The following SASH1 variants were observed in gnomAD, a reference collection of about 807,000 sequenced individuals.
SASH1 encodes the protein SAM and SH3 domain containing 1.
A neutral mutation model predicts 125.2 loss-of-function variants in SASH1; 44 were observed. That is an observed-to-expected ratio of 0.35 (90% CI 0.28 to 0.45). The LOEUF (loss-of-function observed/expected upper bound fraction) is 0.45, where lower values mean the gene tolerates loss of function less well. Ranked by LOEUF, SASH1 falls within the 20% of genes least tolerant of loss-of-function variation. SASH1 has a pLI of 1.00. For missense variants in SASH1, 1,426 were observed against 1,614.5 expected (o/e 0.88, Z 2.00); for synonymous variants, 639 against 649.1 (o/e 0.98, Z 0.24).
the SASH1 span, among the ~76,000 whole-genome samples, chr6:148,243,279 C>T: frequency 4.0e-5 from 6 of 151,840 alleles, no homozygotes; most frequent in East Asian, 1.9e-4. Context: ...GGAGAAACCC[C>T]GTCTTTACTA....
intron 12 of SASH1, among the ~76,000 whole-genome samples, chr6:148,530,688 A>G (rs540674504): frequency 1.3e-5 from 2 of 152,290 alleles, no homozygotes; most frequent in Admixed American, 6.5e-5. Context: ...AGACTTTTCT[A>G]TTTTGGCAAG....
intron 1 of SASH1, among the ~76,000 whole-genome samples, chr6:148,325,470 C>T (rs1780772479): frequency 6.6e-6 from 1 of 152,044 alleles, no homozygotes; most frequent in Non-Finnish European, 1.5e-5. Context: ...AGCAGGATTT[C>T]ACCAAGCTGG....
In SASH1 at chr6:148,533,037, T is replaced by C; in HGVS notation, c.1734+71T>C. On this transcript the variant is annotated intron_variant, in intron 14 of 19. Coordinates refer to ENST00000367467, the MANE Select transcript of SASH1 (RefSeq NM_015278.5). The surrounding 1 kb of genome is among the most constrained non-coding windows in gnomAD (Gnocchi z 6.2). ...TTCTCTAGGAGGCTTTCTTTCCTCC[T>C]CACTGTTGAATGCTGGGCTACTATG... is the stretch of plus-strand genomic sequence containing the variant. 1 of 1,519,502 alleles carries C rather than the reference T, an allele frequency of 6.6e-7. No homozygotes were observed. Among genetic ancestry groups the C allele is most frequent in the East Asian group, 2.3e-5 (1 of 44,244 alleles). 94.1% of individuals were successfully genotyped at this position (1,519,502 alleles called of 1,614,324 possible).
At chr6:148,404,083 A>G (rs935591393) in intron 2 of SASH1, among the ~76,000 whole-genome samples, 1 of 152,180 alleles carries the variant, frequency 6.6e-6, no homozygotes, top group African/African-American at 2.4e-5. Flanking sequence ...ATGAATGACA[A>G]TAGCTGTGCA....
chr6:148,378,053 ATTTT>A (rs11412396), intron 1 of SASH1, among the ~76,000 whole-genome samples: 1 of 140,488 alleles, frequency 7.1e-6, no homozygotes. Flanking sequence ...GTCACCCACA[ATTTT>A]TTTTTTTTTT....
rs750599759 is a variant in SASH1 at position 148,527,462 on chromosome 6, G to A, written c.1294G>A (p.Gly432Arg). ...ACATTTTGTTTTACAGGGTAAAGAAGGAGACTTTGTGTACAAAGAAGTCAT... is the reference window on the plus strand; with the variant it reads ...ACATTTTGTTTTACAGGGTAAAGAAAGAGACTTTGTGTACAAAGAAGTCAT... ...SNNSDPMGKE[G>R]DFVYKEVIKS... The change falls in exon 12 of 20, where the codon GGA becomes AGA. Residue 432 changes from glycine to arginine, a missense_variant. Transcript: ENST00000367467. The A allele has an allele frequency of 6.3e-6, 10 of 1,596,558 alleles. No individual in the cohort carries two copies. The East Asian group carries it at 2.3e-4, about 36-fold the overall frequency.
At chr6:148,204,287 C>G in the SASH1 span, among the ~76,000 whole-genome samples, 1 of 152,186 alleles carries the variant, frequency 6.6e-6, no homozygotes, top group Non-Finnish European at 1.5e-5. Flanking sequence ...ATAGAAACCA[C>G]CACAATCGAC....
chr6:148,200,012 A>C, the SASH1 span, among the ~76,000 whole-genome samples: 1 of 152,196 alleles, frequency 6.6e-6, no homozygotes, highest in Middle Eastern at 3.2e-3. Context: ...AGTATTTCTC[A>C]TCTGCGACCC....
the SASH1 span, among the ~76,000 whole-genome samples, chr6:148,196,380 T>C: frequency 6.6e-6 from 1 of 152,168 alleles, no homozygotes; most frequent in East Asian, 1.9e-4. Context: ...GTGAAACAAT[T>C]CAACCTAGCA....
At chr6:148,266,330 G>A in the SASH1 span, among the ~76,000 whole-genome samples, 6 of 152,028 alleles carry the variant, frequency 3.9e-5, no homozygotes, top group South Asian at 2.1e-4. Flanking sequence ...TTGACTGAAC[G>A]GAAAATAAGA....
At chr6:148,531,405 A>G in intron 12 of SASH1, 121 bp from the exon 13 acceptor site, 2 of 822,328 alleles carry the variant, frequency 2.4e-6, no homozygotes, top group Non-Finnish European at 3.4e-6. Context: ...TATTGGTTAT[A>G]GAATCAAATA....
At chr6:148,332,727 A>G (rs1276004154) in intron 1 of SASH1, among the ~76,000 whole-genome samples, 2 of 152,078 alleles carry the variant, frequency 1.3e-5, no homozygotes, top group African/African-American at 4.8e-5. Flanking sequence ...TGGCTCATGC[A>G]TGTAATTCCA....
chr6:148,318,918 G>T (rs1780558764), intron 1 of SASH1, among the ~76,000 whole-genome samples: 1 of 150,394 alleles, frequency 6.6e-6, no homozygotes, highest in Non-Finnish European at 1.5e-5. Context: ...ATTTTATACG[G>T]TTTTAACAAT....
Position 148,450,353 on chromosome 6 carries a change from G to A in SASH1, c.386+9946G>A, listed in dbSNP as rs114178095. Among the ~76,000 whole-genome samples the A allele has an allele frequency of 3.3e-3, 508 of 152,148 alleles. 4 individuals are homozygous for A. Among genetic ancestry groups the A allele is most frequent in the African/African-American group, 0.012 (481 of 41,512 alleles). ...CCTTCTTTATTGCTCAGTCTCCCCA[G>A]CAATAACCTCATACCTCCATATAAC... On this transcript the variant is annotated intron_variant, in intron 4 of 19. Transcript: ENST00000367467.
At chr6:148,325,261 T>TGTTGTTGTTG (rs1554235038) in intron 1 of SASH1, among the ~76,000 whole-genome samples, 51 of 149,994 alleles carry the variant, frequency 3.4e-4, no homozygotes, top group African/African-American at 1.0e-3. Context: ...AAAAGCCTCT[T>TGTTGTTGTTG]TTGTTGTTGT....
chr6:148,396,453 G>A (rs1197477543), intron 2 of SASH1, among the ~76,000 whole-genome samples: 4 of 145,954 alleles, frequency 2.7e-5, no homozygotes, highest in East Asian at 4.0e-4. Flanking sequence ...CTCCAGCCTG[G>A]GTGCCAGAGT....
At position 148,387,622 on chromosome 6, in the gene SASH1, T is replaced by TCTCTCTC. The variant is rs1562371228; in HGVS notation, c.157-2512_157-2511insCTCTCTC. Among the ~76,000 whole-genome samples the TCTCTCTC allele has an allele frequency of 6.8e-4, 23 of 33,770 alleles. 4 individuals carry two copies. The highest frequency in any genetic ancestry group is 1.3e-3 in the Non-Finnish European group (21 of 16,296). The allele number at this position is 33,770 out of a possible 152,430, so 22.2% of individuals were successfully genotyped here. On this transcript the variant is annotated intron_variant, in intron 1 of 19. Transcript: ENST00000367467. ...TTTCTTTCTTTCTTTCTTTCTTTCTTTCTTTCTTTCTTTCTTTCTTTCTTT... is the reference window on the plus strand; with the variant it reads ...TTTCTTTCTTTCTTTCTTTCTTTCTTCTCTCTCTCTTTCTTTCTTTCTTTCTTTCTTT...
chr6:148,462,223 TTTTCCAGTA>T (rs2115084675), intron 4 of SASH1, among the ~76,000 whole-genome samples: 1 of 152,262 alleles, frequency 6.6e-6, no homozygotes, highest in East Asian at 1.9e-4. Flanking sequence ...TAAGTACAGG[TTTTCCAGTA>T]ACATATAGCA....
At chr6:148,225,585 G>C in the SASH1 span, among the ~76,000 whole-genome samples, 1 of 152,236 alleles carries the variant, frequency 6.6e-6, no homozygotes, top group South Asian at 2.1e-4. Context: ...AAGGGTGGGA[G>C]GGGAGTGAGG....
Sources: gnomAD v4.1 joint callset for allele counts (sites outside exome capture counted in the v4.1 genomes callset) on GRCh38, gnomAD v4.1.1 for gene constraint, Gnocchi (gnomAD v3.1) non-coding constraint, MANE v1.5 for transcripts, NCBI Gene and HGNC (gene_info 2026-07-23, HGNC 2026-07-21) for gene names.